The following CHCHD7 variants were observed in gnomAD, a reference collection of about 807,000 sequenced individuals.
CHCHD7 encodes the protein coiled-coil-helix-coiled-coil-helix domain containing 7, also known as coiled-coil-helix-coiled-coil-helix domain-containing protein 7.
CHCHD7 carries 7 observed loss-of-function variants against 10.5 expected under a neutral mutation model. That is an observed-to-expected ratio of 0.67 (90% CI 0.38 to 1.25). The LOEUF is 1.25. CHCHD7 is among the 50% of genes most tolerant of loss of function. The probability of loss-of-function intolerance (pLI) is 0.02; values close to 1 mark genes in which losing one functional copy is unlikely to be tolerated. For synonymous variants in CHCHD7, 40 were observed against 36.0 expected, an observed-to-expected ratio of 1.11 and a Z score of -0.40; for missense variants, 100 against 104.5, an observed-to-expected ratio of 0.96 and a Z score of 0.19.
At chr8:56,216,759 GT>G (rs1195454743) in intron 3 of CHCHD7, 1 of 701,856 alleles carries the variant, frequency 1.4e-6, no homozygotes, top group Non-Finnish European at 2.6e-6. Context: ...ATATAGGTGG[GT>G]CTTCTTAGAC....
chr8:56,212,882 C>T, intron 1 of CHCHD7: 1 of 1,607,896 alleles, frequency 6.2e-7, no homozygotes. Flanking sequence ...GCACCAAACT[C>T]GAACTGGGTA....
chr8:56,216,035 C>A (rs1813325121), intron 2 of CHCHD7, among the ~76,000 whole-genome samples: 1 of 152,104 alleles, frequency 6.6e-6, no homozygotes, highest in Non-Finnish European at 1.5e-5. Flanking sequence ...ACATTGAAGC[C>A]AAAGTGAAAA....
chr8:56,212,910 GTAT>G, intron 1 of CHCHD7: 1 of 1,581,634 alleles, frequency 6.3e-7, no homozygotes, highest in Non-Finnish European at 8.7e-7. Context: ...TGTTACCTAG[GTAT>G]TATTTTTGAA....
rs1020675486 is a variant in CHCHD7, at chr8:56,218,267, T to G, written c.*832T>G. ...AGGGTTCATCAGGTGAACTCAACACTGGGATGAGACTAGAACTTCACTTTA... is the reference window on the plus strand; with the variant it reads ...AGGGTTCATCAGGTGAACTCAACACGGGGATGAGACTAGAACTTCACTTTA... On this transcript the variant is annotated 3_prime_UTR_variant, in exon 4 of 4. Transcript: ENST00000355315. 8.7e-6 allele frequency: 2 copies of G among 229,082 alleles called. No homozygotes were observed. The highest frequency in any genetic ancestry group is 4.4e-5 in the African/African-American group (2 of 45,122). 14.2% of individuals were successfully genotyped at this position (229,082 alleles called of 1,614,324 possible). A position where few individuals can be genotyped will look rare whatever the true frequency, so the allele number is the denominator to read the frequency against.
intron 1 of CHCHD7, chr8:56,213,698 A>C (rs982749858): frequency 1.3e-5 from 2 of 152,278 alleles, no homozygotes; most frequent in Admixed American, 1.3e-4. Flanking sequence ...AAGATTACTG[A>C]AGCACAGTAG....
intron 1 of CHCHD7, chr8:56,212,521 A>AG (rs751690932): frequency 4.3e-6 from 1 of 231,378 alleles, no homozygotes; most frequent in Non-Finnish European, 8.5e-6. Context: ...TGCTTTATTA[A>AG]GCAGTTTGCC....
In CHCHD7 at chr8:56,217,961, A is replaced by G. The variant is rs1467235023; in HGVS notation, c.*526A>G. 4.3e-6 allele frequency: 1 copy of G among 230,398 alleles called. No homozygotes were observed. The highest frequency in any genetic ancestry group is 8.6e-6 in the Non-Finnish European group (1 of 116,456). The allele number at this position is 230,398 out of a possible 1,614,324, so 14.3% of individuals were successfully genotyped here. On this transcript the variant is annotated 3_prime_UTR_variant, in exon 4 of 4. Transcript: ENST00000355315. The stretch of plus-strand genomic sequence containing the variant: ...CTCAGATCCCAGGCTCATTCCTCAA[A>G]TCACTTCTTACTTCCCTCACTTATC...
At chr8:56,216,411 A>G in intron 2 of CHCHD7, 22 bp from the exon 3 acceptor site, 2 of 1,613,792 alleles carry the variant, frequency 1.2e-6, no homozygotes, top group Non-Finnish European at 1.7e-6. Context: ...CTTTTAAATG[A>G]TGCCTCTCTT....
At chr8:56,214,876 T>A (rs1813251635) in intron 2 of CHCHD7, 5 of 447,682 alleles carry the variant, frequency 1.1e-5, no homozygotes, top group Non-Finnish European at 1.6e-5. Context: ...TTTCCTTATT[T>A]GTATAATATG....
chr8:56,212,982 T>A, intron 1 of CHCHD7: 1 of 892,346 alleles, frequency 1.1e-6, no homozygotes, highest in Non-Finnish European at 1.8e-6. Flanking sequence ...GCACGAAACT[T>A]AAATTTAATG....
chr8:56,212,916 T>G lies in CHCHD7; in HGVS notation c.-17+1079T>G, dbSNP rs199781945. ...TATATGTGATGTTACCTAGGTATTATTTTTGAAGAATTTCTGACTGACAAT... is the reference window on the plus strand; with the variant it reads ...TATATGTGATGTTACCTAGGTATTAGTTTTGAAGAATTTCTGACTGACAAT... On this transcript the variant is annotated intron_variant, in intron 1 of 3. Coordinates refer to ENST00000355315, the MANE Select transcript of CHCHD7 (RefSeq NM_001011671.3). 16 of 1,569,148 alleles carry G rather than the reference T, an allele frequency of 1.0e-5. No homozygotes were observed. In the East Asian group the frequency reaches 3.6e-4, roughly 35 times the overall value.
rs746548488 is a variant in CHCHD7 at position 56,217,905 on chromosome 8, G to GT, written c.*471dup. ...GCAGTGGTGGGAGAAGACTGGAAAG[G>GT]TAAGTTGAAGGTAAGGAATGTGTGG... On this transcript the variant is annotated 3_prime_UTR_variant, in exon 4 of 4. Coordinates refer to ENST00000355315, the MANE Select transcript of CHCHD7 (RefSeq NM_001011671.3). The GT allele has an allele frequency of 3.9e-5, 9 of 232,162 alleles. No homozygotes were observed. Among genetic ancestry groups the GT allele is most frequent in the Non-Finnish European group, 6.8e-5 (8 of 117,556 alleles). The allele number at this position is 232,162 out of a possible 1,614,324, so 14.4% of individuals were successfully genotyped here. A position where few individuals can be genotyped will look rare whatever the true frequency, so the allele number is the denominator to read the frequency against.
At chr8:56,212,973 C>A in intron 1 of CHCHD7, 1 of 1,008,170 alleles carries the variant, frequency 9.9e-7, no homozygotes, top group Non-Finnish European at 1.6e-6. Context: ...TCATGTAAGG[C>A]ACGAAACTTA....
intron 3 of CHCHD7, 79 bp from the exon 4 acceptor site, chr8:56,217,252 C>G (rs1199033663): frequency 1.2e-6 from 1 of 800,878 alleles, no homozygotes; most frequent in East Asian, 2.9e-5. Flanking sequence ...GAAGCAATAG[C>G]AAATTACTGG....
chr8:56,214,747 G>C, intron 2 of CHCHD7, 80 bp downstream of exon 2: 1 of 1,040,684 alleles, frequency 9.6e-7, no homozygotes, highest in South Asian at 1.4e-5. Context: ...TTTGTTTTCT[G>C]CAGTTGTTGA....
intron 2 of CHCHD7, 141 bp downstream of exon 2, chr8:56,214,808 A>T (rs1207583676): frequency 1.8e-6 from 1 of 564,020 alleles, no homozygotes; most frequent in Non-Finnish European, 3.2e-6. Context: ...ATCCTATTTA[A>T]CTAGAGCATT....
chr8:56,217,216 T>G (rs915676500), intron 3 of CHCHD7, 115 bp from the exon 4 acceptor site: 1 of 587,314 alleles, frequency 1.7e-6, no homozygotes. Flanking sequence ...TAAAAAAAAC[T>G]TGGTTTTTAG....
chr8:56,213,527 G>A (rs940599189), intron 1 of CHCHD7: 2 of 152,284 alleles, frequency 1.3e-5, no homozygotes, highest in African/African-American at 4.8e-5. Flanking sequence ...GAGTAGTTGG[G>A]ATTACAGGCG....
intron 3 of CHCHD7, chr8:56,216,968 T>G (rs530369144): frequency 2.0e-4 from 89 of 435,206 alleles, no homozygotes; most frequent in African/African-American, 1.4e-3. Flanking sequence ...TCTGTTTCCT[T>G]GAACCACGGG....
Sources: allele counts gnomAD v4.1 joint callset (sites outside exome capture counted in the v4.1 genomes callset), GRCh38; gene constraint gnomAD v4.1.1; transcripts MANE v1.5; gene names NCBI Gene and HGNC (gene_info 2026-07-23, HGNC 2026-07-21).